Variants in CUX1 observed in about 807,000 individuals in gnomAD.
CUX1 encodes cut like homeobox 1.
In CUX1, 31 loss-of-function variants were observed where a neutral mutation model predicts 158.8. The ratio of observed to expected loss-of-function variants is 0.20; its 90% confidence interval spans 0.15 to 0.26. The LOEUF (loss-of-function observed/expected upper bound fraction) is 0.26. Ranked by LOEUF, CUX1 falls within the 10% of genes least tolerant of loss-of-function variation. The pLI, the probability that CUX1 is intolerant of heterozygous loss-of-function variation, is 1.00. For missense variants in CUX1, 1,589 were observed against 2,014.6 expected, an observed-to-expected ratio of 0.79 and a Z score of 4.04; for synonymous variants, 879 against 862.1, an observed-to-expected ratio of 1.02 and a Z score of -0.34.
At chr7:102,087,673 C>T (rs1256409573) in intron 4 of CUX1, among the ~76,000 whole-genome samples, 14 of 152,058 alleles carry the variant, frequency 9.2e-5, no homozygotes, top group Non-Finnish European at 1.6e-4. Flanking sequence ...TCTTATAATA[C>T]ATTGTCACTT....
chr7:101,995,947 T>G, intron 2 of CUX1, among the ~76,000 whole-genome samples: 1 of 151,900 alleles, frequency 6.6e-6, no homozygotes, highest in East Asian at 1.9e-4. Context: ...ACTCCATCTC[T>G]CCTAAAAATA....
intron 8 of CUX1, among the ~76,000 whole-genome samples, chr7:102,129,826 G>A (rs1360521657): frequency 1.3e-5 from 2 of 152,194 alleles, no homozygotes; most frequent in South Asian, 2.1e-4. Context: ...GTGGCGGCCC[G>A]CATTGGAGAT....
At chr7:101,986,195 G>C (rs779851995) in intron 2 of CUX1, among the ~76,000 whole-genome samples, 29 of 152,232 alleles carry the variant, frequency 1.9e-4, no homozygotes, top group Non-Finnish European at 3.7e-4. Flanking sequence ...TTAACAACAA[G>C]AGATGGAATT....
chr7:101,981,970 G>A (rs1265392261), intron 2 of CUX1, among the ~76,000 whole-genome samples: 2 of 152,152 alleles, frequency 1.3e-5, no homozygotes, highest in Non-Finnish European at 2.9e-5. Flanking sequence ...ATAAGTGGGA[G>A]GGAAAATTAA....
chr7:102,080,410 G>C (rs1012162456), intron 4 of CUX1, among the ~76,000 whole-genome samples: 44 of 152,160 alleles, frequency 2.9e-4, no homozygotes, highest in African/African-American at 7.7e-4. Flanking sequence ...AGACAGCTGG[G>C]TTAATTATGT....
intron 20 of CUX1, among the ~76,000 whole-genome samples, chr7:102,216,564 A>T (rs1323970203): frequency 1.7e-4 from 12 of 71,526 alleles, no homozygotes; most frequent in East Asian, 8.3e-4. Flanking sequence ...ACGCACACAC[A>T]CTCCCACACA....
chr7:101,987,929 C>T (rs970031582), intron 2 of CUX1, among the ~76,000 whole-genome samples: 2 of 152,120 alleles, frequency 1.3e-5, no homozygotes, highest in African/African-American at 4.8e-5. Context: ...AGCGTTTTTT[C>T]AGGCTGGGCT....
At chr7:102,104,006 T>G (rs911717806) in intron 5 of CUX1, among the ~76,000 whole-genome samples, 2 of 152,110 alleles carry the variant, frequency 1.3e-5, no homozygotes, top group Non-Finnish European at 2.9e-5. Flanking sequence ...CAGGACTAAT[T>G]TAAGACTCAT....
At chr7:101,922,381 A>G (rs1287429744) in intron 2 of CUX1, among the ~76,000 whole-genome samples, 1 of 152,240 alleles carries the variant, frequency 6.6e-6, no homozygotes, top group Admixed American at 6.5e-5. Flanking sequence ...TGGATAAGCC[A>G]CATATGGCTC....
chr7:102,257,823 A>G lies in CUX1; in HGVS notation c.*8781A>G, dbSNP rs1483499233. 3 of 984,532 alleles carry G rather than the reference A, an allele frequency of 3.0e-6. No individual in the cohort carries two copies. The highest frequency in any genetic ancestry group is 1.1e-4 in the East Asian group (1 of 8,806). The allele number at this position is 984,532 out of a possible 1,614,324, so 61.0% of individuals were successfully genotyped here. A position where few individuals can be genotyped will look rare whatever the true frequency, so the allele number is the denominator to read the frequency against. ...TAGAGCTTGTTTGTTCATCCTCACAATCACAGATTTTTTTCTCCAATCCTC... is the reference window on the plus strand; with the variant it reads ...TAGAGCTTGTTTGTTCATCCTCACAGTCACAGATTTTTTTCTCCAATCCTC... On this transcript the variant is annotated 3_prime_UTR_variant, in exon 24 of 24. Coordinates refer to ENST00000292535, the MANE Select transcript of CUX1 (RefSeq NM_181552.4).
rs1584824582 is a variant in CUX1, at chr7:101,870,154, T to TTG, written c.31-45960_31-45959insGT. 4.2e-5 allele frequency among the ~76,000 whole-genome samples: 3 copies of TTG among 71,880 alleles called. No individual in the cohort carries two copies. In the East Asian group the frequency reaches 8.2e-4, roughly 20 times the overall value. 47.2% of individuals were successfully genotyped at this position (71,880 alleles called of 152,430 possible). On this transcript the variant is annotated intron_variant, in intron 1 of 23. Coordinates refer to ENST00000292535, the MANE Select transcript of CUX1 (RefSeq NM_181552.4). ...GCCCTGATGTTTAGTGTTTTTTTTGTTTTTTTTTTTTTTTTTAAAGACAGC... is the reference window on the plus strand; with the variant it reads ...GCCCTGATGTTTAGTGTTTTTTTTGTTGTTTTTTTTTTTTTTTTAAAGACAGC...
chr7:101,979,255 G>A (rs568927716), intron 2 of CUX1, among the ~76,000 whole-genome samples: 9 of 152,290 alleles, frequency 5.9e-5, no homozygotes, highest in Admixed American at 3.9e-4. Context: ...CCCTAGGGCC[G>A]GCATATGGGC....
intron 5 of CUX1, among the ~76,000 whole-genome samples, chr7:102,102,760 G>A (rs1585681975): frequency 6.6e-6 from 1 of 152,192 alleles, no homozygotes; most frequent in African/African-American, 2.4e-5. Flanking sequence ...GTAGCAGCGG[G>A]CGACAATTCC....
At chr7:101,836,684 CAAAAAAA>C (rs71755816) in intron 1 of CUX1, among the ~76,000 whole-genome samples, 1 of 77,806 alleles carries the variant, frequency 1.3e-5, no homozygotes, top group Non-Finnish European at 2.4e-5. Flanking sequence ...GACTCCTTCT[CAAAAAAA>C]AAAAAAAAAA....
At chr7:102,146,864 C>G (rs1554502205) in intron 8 of CUX1, among the ~76,000 whole-genome samples, 1 of 152,140 alleles carries the variant, frequency 6.6e-6, no homozygotes, top group Non-Finnish European at 1.5e-5. Flanking sequence ...TCCCAAAGTG[C>G]TTGGGATTAC....
At chr7:101,890,528 G>A (rs1198790507) in intron 1 of CUX1, among the ~76,000 whole-genome samples, 1 of 152,054 alleles carries the variant, frequency 6.6e-6, no homozygotes, top group African/African-American at 2.4e-5. Context: ...GCAAGGCCCG[G>A]CACCAGGTTT....
At chr7:102,158,640 C>T in intron 9 of CUX1, 32 bp downstream of exon 9, 4 of 1,607,682 alleles carry the variant, frequency 2.5e-6, no homozygotes, top group East Asian at 2.2e-5. Flanking sequence ...GTCCTAAAAC[C>T]CACAATAGCG....
chr7:101,965,243 C>T (rs986460337), intron 2 of CUX1, among the ~76,000 whole-genome samples: 1 of 152,194 alleles, frequency 6.6e-6, no homozygotes, highest in Non-Finnish European at 1.5e-5. Context: ...TGACGTTGAT[C>T]AGGTCCTTGG....
chr7:102,138,739 C>T (rs1834150252), intron 8 of CUX1, among the ~76,000 whole-genome samples: 2 of 152,114 alleles, frequency 1.3e-5, no homozygotes, highest in African/African-American at 2.4e-5. Flanking sequence ...TTTCAACGAT[C>T]GTCTACTCCC....
Sources: gnomAD v4.1 joint callset for allele counts (sites outside exome capture counted in the v4.1 genomes callset) on GRCh38, gnomAD v4.1.1 for gene constraint, MANE v1.5 for transcripts, NCBI Gene and HGNC (gene_info 2026-07-23, HGNC 2026-07-21) for gene names.